Variants in C8A observed in about 807,000 individuals in gnomAD.
C8A encodes the protein complement component C8 alpha chain.
In C8A, 67 loss-of-function variants were observed where a neutral mutation model predicts 65.3. The observed-to-expected ratio is 1.03, with a 90% CI of 0.84 to 1.26. C8A has a LOEUF of 1.26. Ranked by LOEUF, C8A falls within the 50% of genes most tolerant of loss-of-function variation. The pLI, the probability that C8A is intolerant of heterozygous loss-of-function variation, is 0.00. For missense variants in C8A, 781 were observed against 723.9 expected (o/e 1.08, Z -0.90); for synonymous variants, 290 against 259.4 (o/e 1.12, Z -1.13).
At chr1:56,906,228 A>G (rs1222759413) in intron 7 of C8A, among the ~76,000 whole-genome samples, 1 of 152,210 alleles carries the variant, frequency 6.6e-6, no homozygotes, top group African/African-American at 2.4e-5. Flanking sequence ...TGACATTTGA[A>G]TGGAAGCTTG....
intron 4 of C8A, among the ~76,000 whole-genome samples, chr1:56,878,548 T>C (rs1456364250): frequency 6.6e-6 from 1 of 152,204 alleles, no homozygotes; most frequent in Admixed American, 6.5e-5. Flanking sequence ...ATGGTCCTGC[T>C]CCACTCCAGC....
At chr1:56,867,305 T>C (rs1311465622) in intron 1 of C8A, among the ~76,000 whole-genome samples, 1 of 152,184 alleles carries the variant, frequency 6.6e-6, no homozygotes, top group Non-Finnish European at 1.5e-5. Flanking sequence ...TCTTAACCAC[T>C]GAGCTTTCTG....
At position 56,854,856 on chromosome 1, in the gene C8A, A is replaced by G; in HGVS notation, c.-46A>G. The G allele has an allele frequency of 1.3e-6, 2 of 1,531,532 alleles. No individual in the cohort carries two copies. The highest frequency in any genetic ancestry group is 9.0e-7 in the Non-Finnish European group (1 of 1,109,390). The allele number at this position is 1,531,532 out of a possible 1,614,324, so 94.9% of individuals were successfully genotyped here. ...TTTTACTCCAATTTCCTGAATAGATAGCTTTATTCCTTCAAGGTAATATAG... is the reference window on the plus strand; with the variant it reads ...TTTTACTCCAATTTCCTGAATAGATGGCTTTATTCCTTCAAGGTAATATAG... On this transcript the variant is annotated 5_prime_UTR_variant, in exon 1 of 11. In the 5' UTR this introduces an upstream ATG that the reference lacks. Coordinates refer to ENST00000361249, the MANE Select transcript of C8A (RefSeq NM_000562.3).
chr1:56,857,978 A>G (rs181099784), intron 1 of C8A, among the ~76,000 whole-genome samples: 2 of 152,138 alleles, frequency 1.3e-5, no homozygotes, highest in African/African-American at 4.8e-5. Context: ...CTATAACTCT[A>G]TATTTATTAA....
At chr1:56,876,836 T>C (rs1644203222) in intron 4 of C8A, among the ~76,000 whole-genome samples, 1 of 152,200 alleles carries the variant, frequency 6.6e-6, no homozygotes, top group Non-Finnish European at 1.5e-5. Flanking sequence ...CCTTAATCAA[T>C]ATTCCTGGAA....
At chr1:56,885,438 AAGTAAATATATATATATTTC>A (rs1220624724) in intron 6 of C8A, among the ~76,000 whole-genome samples, 8 of 120,858 alleles carry the variant, frequency 6.6e-5, no homozygotes, top group East Asian at 2.8e-4. Context: ...ATATATATTT[AAGTAAATATATATATATTTC>A]CGTAAATATA....
chr1:56,874,876 AC>A, intron 2 of C8A, 72 bp from the exon 3 acceptor site: 1 of 1,564,398 alleles, frequency 6.4e-7, no homozygotes, highest in Non-Finnish European at 8.8e-7. Flanking sequence ...TTGAGCCGAA[AC>A]CAGGCTGCAC....
At chr1:56,876,308 C>T in intron 4 of C8A, 99 bp downstream of exon 4, 1 of 1,414,810 alleles carries the variant, frequency 7.1e-7, no homozygotes, top group South Asian at 1.2e-5. Context: ...TTGGAGGGTT[C>T]CTCTGGAGTG....
At position 56,918,178 on chromosome 1, in the gene C8A, C is replaced by T. The variant is rs1644568887; in HGVS notation, c.*462C>T. 1 of 158,718 alleles carries T rather than the reference C, an allele frequency of 6.3e-6. No homozygotes were observed. Among genetic ancestry groups the T allele is most frequent in the Admixed American group, 6.2e-5 (1 of 16,170 alleles). The allele number at this position is 158,718 out of a possible 1,614,324, so 9.8% of individuals were successfully genotyped here. A position where few individuals can be genotyped will look rare whatever the true frequency, so the allele number is the denominator to read the frequency against. ...TTAATTGGTAGGGTAAGCAGACACTCTGAAACAATGAGAAAAATACTAAAA... is the reference window on the plus strand; with the variant it reads ...TTAATTGGTAGGGTAAGCAGACACTTTGAAACAATGAGAAAAATACTAAAA... On this transcript the variant is annotated 3_prime_UTR_variant, in exon 11 of 11. Coordinates refer to ENST00000361249, the MANE Select transcript of C8A (RefSeq NM_000562.3).
At chr1:56,860,425 G>C (rs1644022034) in intron 1 of C8A, among the ~76,000 whole-genome samples, 1 of 152,160 alleles carries the variant, frequency 6.6e-6, no homozygotes, top group Non-Finnish European at 1.5e-5. Flanking sequence ...TTGAGTGTAT[G>C]GGTAGTAAAA....
At position 56,873,874 on chromosome 1, in the gene C8A, T is replaced by C. The variant is rs138745183; in HGVS notation, c.172-1075T>C. Among the ~76,000 whole-genome samples, 193 of 152,316 alleles carry C rather than the reference T, an allele frequency of 1.3e-3. 1 individual carries two copies. Among genetic ancestry groups the C allele is most frequent in the African/African-American group, 4.4e-3 (184 of 41,568 alleles). On this transcript the variant is annotated intron_variant, in intron 2 of 10. Coordinates refer to ENST00000361249, the MANE Select transcript of C8A (RefSeq NM_000562.3). ...TTGAAGGCAGGGATAGAACCTCATGTTTCTCTGGATATCCTAGTTTTCAGC... is the reference window on the plus strand; with the variant it reads ...TTGAAGGCAGGGATAGAACCTCATGCTTCTCTGGATATCCTAGTTTTCAGC...
At chr1:56,913,455 T>A (rs1186515799) in intron 10 of C8A, among the ~76,000 whole-genome samples, 1 of 152,218 alleles carries the variant, frequency 6.6e-6, no homozygotes, top group Non-Finnish European at 1.5e-5. Context: ...AAGAAAGTTA[T>A]CAAACAAGCA....
intron 7 of C8A, among the ~76,000 whole-genome samples, chr1:56,903,242 T>C (rs1348364651): frequency 6.7e-6 from 1 of 149,524 alleles, no homozygotes; most frequent in African/African-American, 2.4e-5. Context: ...GGGAGGTAAT[T>C]TAATCATGGG....
At chr1:56,912,313 G>T in intron 9 of C8A, 90 bp from the exon 10 acceptor site, 1 of 1,187,968 alleles carries the variant, frequency 8.4e-7, no homozygotes. Context: ...GCATGTATCA[G>T]GCCTTCCAGA....
intron 10 of C8A, among the ~76,000 whole-genome samples, chr1:56,915,343 G>A (rs2101317909): frequency 6.6e-6 from 1 of 152,250 alleles, no homozygotes; most frequent in South Asian, 2.1e-4. Context: ...CCAACTCCCA[G>A]GGCCAGTTCC....
At chr1:56,914,539 A>T (rs1557717753) in intron 10 of C8A, among the ~76,000 whole-genome samples, 1 of 152,202 alleles carries the variant, frequency 6.6e-6, no homozygotes, top group Non-Finnish European at 1.5e-5. Flanking sequence ...ATTCAAGGGG[A>T]TCTTCATGCA....
At chr1:56,917,377 C>A (rs553151803) in intron 10 of C8A, among the ~76,000 whole-genome samples, 188 bp from the exon 11 acceptor site, 36 of 152,356 alleles carry the variant, frequency 2.4e-4, no homozygotes, top group African/African-American at 8.7e-4. Flanking sequence ...TACATCTGGA[C>A]TAACAAAGGA....
chr1:56,880,389 C>G (rs757648749), intron 4 of C8A, among the ~76,000 whole-genome samples: 9 of 152,100 alleles, frequency 5.9e-5, no homozygotes, highest in Non-Finnish European at 7.4e-5. Context: ...ATGTACTTTA[C>G]TGCTGTTTTA....
At position 56,906,764 on chromosome 1, in the gene C8A, T is replaced by C. The variant is rs201752472; in HGVS notation, c.1194T>C (p.His398=). ...INVGGGLSGD[H]CKKFGGGKTE... The stretch of plus-strand genomic sequence containing the variant: ...TTGGTGGAGGTTTATCAGGAGACCA[T>C]TGTAAAAAATTTGGAGGTGGCAAAA... Residue 398 remains histidine (H), a synonymous_variant, in exon 8 of 11, where the codon CAT becomes CAC. Transcript: ENST00000361249. The C allele has an allele frequency of 1.5e-5, 24 of 1,613,956 alleles. No homozygotes were observed. The highest frequency in any genetic ancestry group is 1.9e-5 in the Non-Finnish European group (22 of 1,179,974).
Sources: allele counts gnomAD v4.1 joint callset (sites outside exome capture counted in the v4.1 genomes callset), GRCh38; gene constraint gnomAD v4.1.1; transcripts MANE v1.5; gene names NCBI Gene and HGNC (gene_info 2026-07-23, HGNC 2026-07-21).